FAM217A: variants seen among roughly 807,000 people sequenced by gnomAD.
FAM217A encodes protein FAM217A.
A neutral mutation model predicts 18.5 loss-of-function variants in FAM217A; 13 were observed. That is an observed-to-expected ratio of 0.70 (90% CI 0.46 to 1.12). FAM217A has a LOEUF of 1.12. Ranked by LOEUF, FAM217A falls within the 50% of genes most tolerant of loss-of-function variation. FAM217A has a pLI of 0.00. For missense variants in FAM217A, 560 were observed against 575.4 expected, an observed-to-expected ratio of 0.97 and a Z score of 0.27; for synonymous variants, 161 against 202.8, an observed-to-expected ratio of 0.79 and a Z score of 1.75.
Position 4,079,108 on chromosome 6 carries a change from C to G in FAM217A, c.-291G>C. 2.9e-6 allele frequency: 1 copy of G among 349,570 alleles called. No homozygotes were observed. The highest frequency in any genetic ancestry group is 4.4e-5 in the East Asian group (1 of 22,962). 21.7% of individuals were successfully genotyped at this position (349,570 alleles called of 1,614,324 possible). ...GGGGCCCAGAGAGACCTTCCGGGGCCGGGGCTGCGGCTCCGCGGGCTTCCC... is the reference window on the plus strand; with the variant it reads ...GGGGCCCAGAGAGACCTTCCGGGGCGGGGGCTGCGGCTCCGCGGGCTTCCC... On this transcript the variant is annotated 5_prime_UTR_variant, in exon 1 of 7. Transcript: ENST00000274673.
Position 4,068,523 on chromosome 6 carries a change from A to T in FAM217A, c.*173T>A. On this transcript the variant is annotated 3_prime_UTR_variant, in exon 7 of 7. Coordinates refer to ENST00000274673, the MANE Select transcript of FAM217A (RefSeq NM_173563.3). ...TCAGTATAGAAGCCTGTGGGTTTAT[A>T]TATAGACATCTCAGCAGTGCTTTTC... is the stretch of plus-strand genomic sequence containing the variant. 1.6e-6 allele frequency: 1 copy of T among 610,414 alleles called. No homozygotes were observed. Among genetic ancestry groups the T allele is most frequent in the Non-Finnish European group, 2.7e-6 (1 of 368,416 alleles). 37.8% of individuals were successfully genotyped at this position (610,414 alleles called of 1,614,324 possible).
intron 2 of FAM217A, among the ~76,000 whole-genome samples, chr6:4,075,097 C>T (rs976482940): frequency 3.3e-5 from 5 of 152,096 alleles, no homozygotes; most frequent in Middle Eastern, 6.8e-3. Flanking sequence ...TTTGGGAGGC[C>T]GGGGCAGGTC....
upstream of FAM217A, among the ~76,000 whole-genome samples, chr6:4,080,304 C>A (rs984453552): frequency 6.6e-6 from 1 of 152,144 alleles, no homozygotes; most frequent in Non-Finnish European, 1.5e-5. Context: ...TTCATGACAC[C>A]CCGTTGTTAT....
rs1269762461 is a variant in FAM217A at position 4,068,863 on chromosome 6, T to A, written c.1360A>T (p.Asn454Tyr). Residue 454 changes from asparagine (N) to tyrosine (Y), a missense_variant, in exon 7 of 7, where the codon AAT becomes TAT. Physicochemically the swap from Asn to Tyr is moderately radical, Grantham distance 143. Transcript: ENST00000274673. ...VSPIPLTFPE[N>Y]QKEEIKAPKR... ...GGTGCCTTAATTTCTTCCTTCTGAT[T>A]TTCGGGAAAAGTCAGAGGTATAGGT... The A allele has an allele frequency of 8.1e-6, 13 of 1,614,050 alleles. No individual in the cohort carries two copies. The highest frequency in any genetic ancestry group is 9.3e-6 in the Non-Finnish European group (11 of 1,180,024).
Position 4,074,442 on chromosome 6 carries a change from C to A in FAM217A, c.159+1G>T. 1 of 1,575,782 alleles carries A rather than the reference C, an allele frequency of 6.3e-7. No individual in the cohort carries two copies. The highest frequency in any genetic ancestry group is 8.7e-7 in the Non-Finnish European group (1 of 1,147,570). ...CCTTAAAACCAAACATTCATCCTTA[C>A]CTTGTTAATTTTGCCTGAAATGTGT... On this transcript the variant is annotated splice_donor_variant, in intron 4 of 6. Coordinates refer to ENST00000274673, the MANE Select transcript of FAM217A (RefSeq NM_173563.3). LOFTEE classifies it high-confidence loss of function.
chr6:4,085,311 A>AAAAAATATATAT lies in FAM217A; in HGVS notation c.19-502_19-501insATATATATTTTT, dbSNP rs377046907. Among the ~76,000 whole-genome samples, 793 of 146,400 alleles carry AAAAAATATATAT rather than the reference A, an allele frequency of 5.4e-3. 9 individuals carry two copies. The highest frequency in any genetic ancestry group is 0.047 in the East Asian group (229 of 4,902). ...AGAAGTGTTATTCATTGTAAAAAAA[A>AAAAAATATATAT]ATATATATATATATATAAAATATGT... On this transcript the variant is annotated intron_variant, in intron 1 of 8. Transcript: ENST00000639338.
At chr6:4,077,310 A>G in intron 2 of FAM217A, 45 bp downstream of exon 2, 2 of 1,602,694 alleles carry the variant, frequency 1.2e-6, no homozygotes, top group Non-Finnish European at 1.7e-6. Flanking sequence ...TGTTAGCAAC[A>G]GGAGCCGCTG....
Position 4,069,338 on chromosome 6 carries a change from T to C in FAM217A, c.885A>G (p.Arg295=). The C allele has an allele frequency of 6.2e-7, 1 of 1,614,152 alleles. No individual in the cohort carries two copies. The highest frequency in any genetic ancestry group is 8.5e-7 in the Non-Finnish European group (1 of 1,180,016). ...HLITRLLELE[R]LQHMTIQKER... ...CTTTTTGAATAGTCATATGTTGTAATCGTTCTAGTTCCAGTAAACGAGTTA... is the reference window on the plus strand; with the variant it reads ...CTTTTTGAATAGTCATATGTTGTAACCGTTCTAGTTCCAGTAAACGAGTTA... Residue 295 remains arginine, a synonymous_variant, in exon 7 of 7, where the codon CGA becomes CGG. Coordinates refer to ENST00000274673, the MANE Select transcript of FAM217A (RefSeq NM_173563.3).
At chr6:4,083,075 A>C (rs911007753), upstream of FAM217A, among the ~76,000 whole-genome samples, 4 of 152,218 alleles carry the variant, frequency 2.6e-5, no homozygotes, top group Admixed American at 6.5e-5. Context: ...TCTTTAGCTG[A>C]TCCTGAGTGA....
At chr6:4,075,056 G>C (rs1435809796) in intron 2 of FAM217A, among the ~76,000 whole-genome samples, 1 of 152,200 alleles carries the variant, frequency 6.6e-6, no homozygotes, top group Non-Finnish European at 1.5e-5. Flanking sequence ...AAAAAGCCAG[G>C]TGTGGTGGCT....
At chr6:4,071,555 T>C (rs1883630) in intron 6 of FAM217A, among the ~76,000 whole-genome samples, 143,501 of 152,200 alleles carry the variant, frequency 0.94, 67,739 homozygotes, top group East Asian at 1. Flanking sequence ...GGTGGACTCC[T>C]ATGCCCCAGG....
Position 4,068,693 on chromosome 6 carries a change from G to A in FAM217A, c.*3C>T, listed in dbSNP as rs1246757892. On this transcript the variant is annotated 3_prime_UTR_variant, in exon 7 of 7. Transcript: ENST00000274673. ...TCACATTGAGATGTATGAAAGAAAA[G>A]AGTTATTTTTGTTCAATGGGTGAGC... 6.3e-7 allele frequency: 1 copy of A among 1,587,452 alleles called. No individual in the cohort carries two copies. The highest frequency in any genetic ancestry group is 1.4e-5 in the African/African-American group (1 of 73,450).
upstream of FAM217A, chr6:4,087,080 CTGA>C (rs1399583417): frequency 1.5e-5 from 6 of 399,692 alleles, no homozygotes; most frequent in East Asian, 2.1e-4. Context: ...GAGGACTGCA[CTGA>C]TGTAACCACT....
intron 2 of FAM217A, among the ~76,000 whole-genome samples, chr6:4,075,175 A>T (rs939931438): frequency 1.8e-4 from 27 of 151,988 alleles, no homozygotes; most frequent in African/African-American, 6.0e-4. Context: ...CTCCAATAAA[A>T]ACACAAAAAT....
intron 2 of FAM217A, among the ~76,000 whole-genome samples, chr6:4,076,026 T>G (rs1333954311): frequency 6.6e-6 from 1 of 151,994 alleles, no homozygotes; most frequent in African/African-American, 2.4e-5. Context: ...AAATCCTGAT[T>G]TTAAAGAATG....
chr6:4,086,967 A>C, intron 1 of FAM217A: 1 of 399,018 alleles, frequency 2.5e-6, no homozygotes, highest in Non-Finnish European at 4.4e-6. Flanking sequence ...TCTTGGTATT[A>C]GTTTGGATAA....
At chr6:4,083,006 C>T (rs976381066), upstream of FAM217A, among the ~76,000 whole-genome samples, 3 of 152,234 alleles carry the variant, frequency 2.0e-5, no homozygotes, top group African/African-American at 7.2e-5. Flanking sequence ...ATCTCATGGC[C>T]ATGCCCAGGA....
At chr6:4,085,636 T>C (rs1770607414) in intron 1 of FAM217A, among the ~76,000 whole-genome samples, 1 of 152,194 alleles carries the variant, frequency 6.6e-6, no homozygotes, top group South Asian at 2.1e-4. Flanking sequence ...GCTGGGGATA[T>C]GTCTTCCGGC....
upstream of FAM217A, chr6:4,079,615 C>A (rs1433050177): frequency 1.6e-6 from 2 of 1,288,516 alleles, no homozygotes; most frequent in Non-Finnish European, 2.0e-6. Flanking sequence ...GGACCCGGGG[C>A]CCGGCCCACC....
Sources: allele counts gnomAD v4.1 joint callset (sites outside exome capture counted in the v4.1 genomes callset), GRCh38; gene constraint gnomAD v4.1.1; transcripts MANE v1.5; gene names NCBI Gene and HGNC (gene_info 2026-07-23, HGNC 2026-07-21).